DSCAML1: variants seen among roughly 807,000 people sequenced by gnomAD.
DSCAML1 encodes the protein DS cell adhesion molecule like 1, also known as cell adhesion molecule DSCAML1.
Under a neutral mutation model 200.5 loss-of-function variants are expected in DSCAML1, and 38 were observed. The ratio of observed to expected loss-of-function variants is 0.19; its 90% confidence interval spans 0.15 to 0.25. The LOEUF is 0.25. Ranked by LOEUF, DSCAML1 falls within the 10% of genes least tolerant of loss-of-function variation. The pLI is 1.00. For missense variants in DSCAML1, 2,223 were observed against 2,858.8 expected, an observed-to-expected ratio of 0.78 and a Z score of 5.07; for synonymous variants, 1,215 against 1,165.0, an observed-to-expected ratio of 1.04 and a Z score of -0.87.
rs34469901 is a variant in DSCAML1 at position 117,488,540 on chromosome 11, G to GAC, written c.2360-6380_2360-6379dup. 3.0e-3 allele frequency among the ~76,000 whole-genome samples: 449 copies of GAC among 151,076 alleles called. 2 individuals are homozygous for GAC. Among genetic ancestry groups the GAC allele is most frequent in the African/African-American group, 6.1e-3 (252 of 41,032 alleles). On this transcript the variant is annotated intron_variant, in intron 11 of 32. Transcript: ENST00000651296. ...ACAAATCCTGACATGCACAGACACA[G>GAC]ACACACACACACACACCACACACAG...
chr11:117,577,698 C>T (rs576491619), intron 3 of DSCAML1, among the ~76,000 whole-genome samples: 6 of 151,766 alleles, frequency 4.0e-5, no homozygotes, highest in Admixed American at 6.5e-5. Context: ...TCCCAAGTAG[C>T]TGGGATTACA....
chr11:117,683,526 C>T (rs1218604849), intron 3 of DSCAML1, among the ~76,000 whole-genome samples: 1 of 152,188 alleles, frequency 6.6e-6, no homozygotes, highest in Non-Finnish European at 1.5e-5. Flanking sequence ...TCCTTATAAC[C>T]CTGTAGGAGA....
At chr11:117,742,899 A>G (rs2054446936) in intron 3 of DSCAML1, among the ~76,000 whole-genome samples, 1 of 152,174 alleles carries the variant, frequency 6.6e-6, no homozygotes, top group East Asian at 1.9e-4. Flanking sequence ...GGCGATTAAC[A>G]TGAGGTCGCT....
intron 1 of DSCAML1, among the ~76,000 whole-genome samples, chr11:117,791,391 G>A (rs956074718): frequency 4.6e-5 from 7 of 152,222 alleles, no homozygotes; most frequent in Non-Finnish European, 7.3e-5. Flanking sequence ...GGGCTCCCTC[G>A]CTTTGTGAGG....
At chr11:117,620,198 A>C (rs2051898779) in intron 3 of DSCAML1, among the ~76,000 whole-genome samples, 1 of 152,018 alleles carries the variant, frequency 6.6e-6, no homozygotes, top group South Asian at 2.1e-4. Flanking sequence ...CCTGGCTAAA[A>C]CTCTTAAAGT....
intron 3 of DSCAML1, among the ~76,000 whole-genome samples, chr11:117,554,117 CAGAA>C (rs1232908993): frequency 1.3e-5 from 2 of 152,014 alleles, no homozygotes; most frequent in African/African-American, 4.8e-5. Flanking sequence ...TTCATAGAGA[CAGAA>C]AGAAGAATGG....
At chr11:117,676,564 G>GT (rs1311669080) in intron 3 of DSCAML1, among the ~76,000 whole-genome samples, 2 of 152,184 alleles carry the variant, frequency 1.3e-5, no homozygotes, top group South Asian at 4.2e-4. Context: ...CACAGACGGG[G>GT]TGCTCCTGGG....
At position 117,482,032 on chromosome 11, in the gene DSCAML1, G is replaced by T. The variant is rs1265844824; in HGVS notation, c.2490C>A (p.Asp830Glu). The T allele has an allele frequency of 2.5e-6, 4 of 1,614,044 alleles. No individual in the cohort carries two copies. The highest frequency in any genetic ancestry group is 3.4e-6 in the Non-Finnish European group (4 of 1,180,006). ...TGGCATACCGCATGACGCGGTCAGG[G>T]TCGATGACTGTGTCCCCCTTCTCCC... Reference protein sequence around the residue: ...IRWEKGDTVIDPDRVMRYAIA... With the variant: ...IRWEKGDTVIEPDRVMRYAIA... The change falls in exon 12 of 33, where the codon GAC becomes GAA. Residue 830 changes from aspartate to glutamate, a missense_variant. Coordinates refer to ENST00000651296, the MANE Select transcript of DSCAML1 (RefSeq NM_020693.4).
At chr11:117,751,559 G>A (rs76492199) in intron 3 of DSCAML1, among the ~76,000 whole-genome samples, 5,112 of 152,196 alleles carry the variant, frequency 0.034, 130 homozygotes, top group Non-Finnish European at 0.054. Flanking sequence ...ACAGGCAAGA[G>A]AAGAAGGCAC....
intron 3 of DSCAML1, among the ~76,000 whole-genome samples, chr11:117,618,014 C>T (rs919103469): frequency 3.9e-5 from 6 of 152,080 alleles, no homozygotes; most frequent in Non-Finnish European, 5.9e-5. Context: ...TCTCTCTCTC[C>T]CTCTCCCTCT....
intron 3 of DSCAML1, among the ~76,000 whole-genome samples, chr11:117,759,870 C>A (rs76622114): frequency 0.038 from 5,792 of 152,250 alleles, 344 homozygotes; most frequent in African/African-American, 0.13. Context: ...CACATTTCTT[C>A]CCCTCCTGTA....
intron 18 of DSCAML1, among the ~76,000 whole-genome samples, 184 bp from the exon 19 acceptor site, chr11:117,459,093 G>A (rs905874695): frequency 1.3e-5 from 2 of 152,208 alleles, no homozygotes; most frequent in Non-Finnish European, 2.9e-5. Context: ...ACTGCCCCCA[G>A]GCCACGTCTC....
At chr11:117,790,437 T>C (rs2055439738) in intron 1 of DSCAML1, among the ~76,000 whole-genome samples, 1 of 152,212 alleles carries the variant, frequency 6.6e-6, no homozygotes, top group African/African-American at 2.4e-5. Context: ...CTGTTCCCCA[T>C]GATGCTGAAA....
At chr11:117,534,042 C>T (rs566163872) in intron 3 of DSCAML1, among the ~76,000 whole-genome samples, 3 of 152,308 alleles carry the variant, frequency 2.0e-5, no homozygotes, top group Non-Finnish European at 2.9e-5. Context: ...AGGAAGAACC[C>T]GATAGCACCA....
intron 3 of DSCAML1, among the ~76,000 whole-genome samples, chr11:117,543,040 C>T (rs1486470960): frequency 6.6e-6 from 1 of 152,210 alleles, no homozygotes; most frequent in African/African-American, 2.4e-5. Flanking sequence ...TTCCCTCTCA[C>T]TAGCCAGGGC....
intron 3 of DSCAML1, among the ~76,000 whole-genome samples, chr11:117,724,816 GC>G (rs1256949359): frequency 6.6e-6 from 1 of 152,144 alleles, no homozygotes; most frequent in Non-Finnish European, 1.5e-5. Flanking sequence ...CTGCACTTGA[GC>G]CCTGCTCAGG....
At chr11:117,810,758 ATTC>A (rs1360015565) in intron 1 of DSCAML1, among the ~76,000 whole-genome samples, 2 of 152,162 alleles carry the variant, frequency 1.3e-5, no homozygotes, top group Non-Finnish European at 2.9e-5. Context: ...GAGCTAAATA[ATTC>A]TTGTCGTAAA....
At chr11:117,643,953 A>G (rs2052467408) in intron 3 of DSCAML1, among the ~76,000 whole-genome samples, 1 of 152,220 alleles carries the variant, frequency 6.6e-6, no homozygotes, top group Admixed American at 6.5e-5. Flanking sequence ...GTTCAGCCCA[A>G]GCCCATTTGA....
At chr11:117,598,003 C>A (rs577526413) in intron 3 of DSCAML1, among the ~76,000 whole-genome samples, 1 of 149,346 alleles carries the variant, frequency 6.7e-6, no homozygotes, top group Admixed American at 6.8e-5. Flanking sequence ...TAGACACAGG[C>A]CAGTCCTGAT....
Sources: gnomAD v4.1 joint callset for allele counts (sites outside exome capture counted in the v4.1 genomes callset) on GRCh38, gnomAD v4.1.1 for gene constraint, MANE v1.5 for transcripts, NCBI Gene and HGNC (gene_info 2026-07-23, HGNC 2026-07-21) for gene names.